NYAP2: variants seen among roughly 807,000 people sequenced by gnomAD.
NYAP2 encodes neuronal tyrosine-phosphorylated phosphoinositide-3-kinase adaptor 2.
In NYAP2, 23 loss-of-function variants were observed where a neutral mutation model predicts 50.4. That is an observed-to-expected ratio of 0.46 (90% CI 0.33 to 0.65). NYAP2 has a LOEUF of 0.65. Ranked by LOEUF, NYAP2 falls within the 30% of genes least tolerant of loss-of-function variation. The pLI is 0.02. For synonymous variants in NYAP2, 394 were observed against 365.2 expected (o/e 1.08, Z -0.90); for missense variants, 885 against 861.0 (o/e 1.03, Z -0.35).
chr2:225,461,009 A>G (rs1312255486), intron 3 of NYAP2, among the ~76,000 whole-genome samples: 2 of 151,890 alleles, frequency 1.3e-5, no homozygotes, highest in East Asian at 1.9e-4. Context: ...AAAAAAAAAA[A>G]AAAAAAAAGA....
chr2:225,533,068 G>A (rs573675362), intron 4 of NYAP2, among the ~76,000 whole-genome samples: 16 of 152,314 alleles, frequency 1.1e-4, no homozygotes, highest in Non-Finnish European at 2.4e-4. Context: ...GGTATTTTGT[G>A]AGCATAGATC....
At chr2:225,670,806 A>G in the NYAP2 span, among the ~76,000 whole-genome samples, 1 of 152,144 alleles carries the variant, frequency 6.6e-6, no homozygotes, top group Non-Finnish European at 1.5e-5. Flanking sequence ...CCATGGCAAT[A>G]TAGTGAATAT....
chr2:225,681,811 C>A, the NYAP2 span, among the ~76,000 whole-genome samples: 1 of 152,224 alleles, frequency 6.6e-6, no homozygotes, highest in African/African-American at 2.4e-5. Context: ...TGCTCAGTCC[C>A]TTTGGGCATG....
At chr2:225,467,475 C>T (rs78299865) in intron 3 of NYAP2, among the ~76,000 whole-genome samples, 2 of 152,190 alleles carry the variant, frequency 1.3e-5, no homozygotes, top group Non-Finnish European at 2.9e-5. Context: ...GCCCTGTTCA[C>T]GTCTGATTAG....
At chr2:225,548,166 T>C (rs1363107280) in intron 4 of NYAP2, among the ~76,000 whole-genome samples, 1 of 143,884 alleles carries the variant, frequency 7.0e-6, no homozygotes, top group African/African-American at 2.9e-5. Context: ...TGAGGAGATG[T>C]TGTCTGTGGA....
intron 3 of NYAP2, among the ~76,000 whole-genome samples, chr2:225,457,740 T>G (rs1367276541): frequency 3.3e-5 from 5 of 152,320 alleles, no homozygotes; most frequent in Admixed American, 2.0e-4. Flanking sequence ...GAGATAAATG[T>G]AATTCATTAT....
At chr2:225,643,368 A>G (rs536861802) in intron 6 of NYAP2, among the ~76,000 whole-genome samples, 20 of 152,282 alleles carry the variant, frequency 1.3e-4, no homozygotes, top group African/African-American at 4.1e-4. Flanking sequence ...TTATTGTTTT[A>G]AAATACACAA....
chr2:225,519,722 CA>C (rs1170564382), intron 4 of NYAP2, among the ~76,000 whole-genome samples: 1 of 152,144 alleles, frequency 6.6e-6, no homozygotes, highest in Non-Finnish European at 1.5e-5. Context: ...AATAGTGCTG[CA>C]ATAAACATAC....
chr2:225,663,987 C>T, the NYAP2 span, among the ~76,000 whole-genome samples: 2 of 152,174 alleles, frequency 1.3e-5, no homozygotes, highest in African/African-American at 4.8e-5. Flanking sequence ...ATCAAGTGTG[C>T]TCTCCCATCC....
chr2:225,647,337 G>A (rs961884548), intron 6 of NYAP2, among the ~76,000 whole-genome samples: 4 of 152,156 alleles, frequency 2.6e-5, no homozygotes, highest in Non-Finnish European at 4.4e-5. Flanking sequence ...CCTGGGAAAT[G>A]AGGTTAATTT....
chr2:225,586,608 G>A (rs1692393820), intron 5 of NYAP2, among the ~76,000 whole-genome samples: 1 of 152,126 alleles, frequency 6.6e-6, no homozygotes, highest in East Asian at 1.9e-4. Context: ...GAACTTTGGA[G>A]ACTTAAATGA....
chr2:225,655,872 C>A (rs191243736), downstream of NYAP2, among the ~76,000 whole-genome samples: 57 of 126,772 alleles, frequency 4.5e-4, no homozygotes, highest in Non-Finnish European at 7.0e-4. Context: ...GAAATGAGAG[C>A]CACAACCTCC....
chr2:225,446,689 T>C (rs984285546), intron 3 of NYAP2, among the ~76,000 whole-genome samples: 9 of 152,068 alleles, frequency 5.9e-5, no homozygotes, highest in African/African-American at 1.7e-4. Flanking sequence ...GTAATATTGA[T>C]TTATTGAAAA....
At chr2:225,468,134 A>G (rs896632569) in intron 3 of NYAP2, among the ~76,000 whole-genome samples, 5 of 152,188 alleles carry the variant, frequency 3.3e-5, no homozygotes, top group African/African-American at 9.7e-5. Flanking sequence ...CTGGGTTCCT[A>G]TAAATATAAC....
chr2:225,417,456 T>A (rs1695144901), intron 3 of NYAP2, among the ~76,000 whole-genome samples: 1 of 151,824 alleles, frequency 6.6e-6, no homozygotes, highest in African/African-American at 2.4e-5. Flanking sequence ...TATTTGGAAA[T>A]ACACAATGGA....
the NYAP2 span, among the ~76,000 whole-genome samples, chr2:225,666,156 C>G: frequency 6.6e-6 from 1 of 152,112 alleles, no homozygotes; most frequent in Non-Finnish European, 1.5e-5. Context: ...TCTCCATGCG[C>G]TAAAGTCACC....
intron 5 of NYAP2, among the ~76,000 whole-genome samples, chr2:225,617,123 A>G (rs1349749660): frequency 2.6e-5 from 4 of 152,154 alleles, no homozygotes; most frequent in Admixed American, 2.6e-4. Context: ...AGCGATCTCT[A>G]TGTGAGATTG....
chr2:225,424,672 C>CTTTAATTTATTTTATA (rs1695260745), intron 3 of NYAP2, among the ~76,000 whole-genome samples: 1 of 151,778 alleles, frequency 6.6e-6, no homozygotes, highest in Admixed American at 6.6e-5. Context: ...TTGTAATTTC[C>CTTTAATTTATTTTATA]TCTGTTTTTT....
intron 3 of NYAP2, among the ~76,000 whole-genome samples, chr2:225,461,085 C>T (rs1689822860): frequency 1.3e-5 from 2 of 150,770 alleles, no homozygotes; most frequent in Admixed American, 6.6e-5. Context: ...TTCATAAACT[C>T]TACCAGAATT....
Sources: gnomAD v4.1 joint callset for allele counts (sites outside exome capture counted in the v4.1 genomes callset) on GRCh38, gnomAD v4.1.1 for gene constraint, MANE v1.5 for transcripts, NCBI Gene and HGNC (gene_info 2026-07-23, HGNC 2026-07-21) for gene names.